The following DLX2 variants were observed in gnomAD, a reference collection of about 807,000 sequenced individuals.
DLX2 encodes the protein homeobox protein DLX-2.
Under a neutral mutation model 27.4 loss-of-function variants are expected in DLX2, and 8 were observed. The observed-to-expected ratio is 0.29, with a 90% CI of 0.17 to 0.53. DLX2 has a LOEUF of 0.53. DLX2 is among the 20% of genes least tolerant of loss of function. The pLI is 0.96. For missense variants in DLX2, 421 were observed against 450.9 expected, an observed-to-expected ratio of 0.93 and a Z score of 0.60; for synonymous variants, 210 against 200.8, an observed-to-expected ratio of 1.05 and a Z score of -0.39.
At position 172,099,887 on chromosome 2, in the gene DLX2, C is replaced by T. The variant is rs1271753624; in HGVS notation, c.*656G>A. ...GTCAAAATGAGGTCATCCGCAAAGGCACCTAAACTTTTAAAAAAATAACAA... is the reference window on the plus strand; with the variant it reads ...GTCAAAATGAGGTCATCCGCAAAGGTACCTAAACTTTTAAAAAAATAACAA... On this transcript the variant is annotated 3_prime_UTR_variant, in exon 3 of 3. Coordinates refer to ENST00000234198, the MANE Select transcript of DLX2 (RefSeq NM_004405.4). The T allele has an allele frequency of 1.3e-5, 2 of 152,518 alleles. No individual in the cohort carries two copies. The highest frequency in any genetic ancestry group is 2.9e-5 in the Non-Finnish European group (2 of 68,030). 9.4% of individuals were successfully genotyped at this position (152,518 alleles called of 1,614,324 possible).
chr2:172,102,792 C>G lies in DLX2; in HGVS notation c.-254G>C. 3.8e-5 allele frequency: 6 copies of G among 158,342 alleles called. No homozygotes were observed. The highest frequency in any genetic ancestry group is 2.1e-4 in the East Asian group (1 of 4,656). 9.8% of individuals were successfully genotyped at this position (158,342 alleles called of 1,614,324 possible). On this transcript the variant is annotated 5_prime_UTR_variant, in exon 1 of 3. Transcript: ENST00000234198. Reference sequence around the variant, plus strand: ...CTCGGCTCCTTGCCCAGCGCGAGCGCGGGCTCTGGCGGGGGGCGGGCAGTG... The same window carrying G: ...CTCGGCTCCTTGCCCAGCGCGAGCGGGGGCTCTGGCGGGGGGCGGGCAGTG...
Position 172,102,285 on chromosome 2 carries a change from G to A in DLX2, c.254C>T (p.Ala85Val). Residue 85 changes from alanine to valine, a missense_variant, in exon 1 of 3, where the codon GCG becomes GTG. This residue lies in a region of DLX2 where 141 missense variants were observed against 123.5 expected (regional missense o/e 1.14). Transcript: ENST00000234198. ...GGGGGGGSPY[A>V]HMGSYQYQAS... ...TTGGTACTGGTAGGAACCCATGTGC[G>A]CGTAGGGCGAGCCCCCGCCGCCGCC... The A allele has an allele frequency of 6.2e-7, 1 of 1,612,982 alleles. No individual in the cohort carries two copies. The highest frequency in any genetic ancestry group is 8.5e-7 in the Non-Finnish European group (1 of 1,179,648).
intron 1 of DLX2, 134 bp from the exon 2 acceptor site, chr2:172,101,780 C>A (rs1357037984): frequency 9.7e-7 from 1 of 1,026,794 alleles, no homozygotes; most frequent in Non-Finnish European, 1.4e-6. Flanking sequence ...CACGGGCAGG[C>A]GCAACTTCGC....
Position 172,100,577 on chromosome 2 carries a change from C to A in DLX2, c.953G>T (p.Gly318Val). ...CGTCCCCGCGCTCACCGGGGCGCCCCCGCCGCCGTGATGGTGGTGGTGGTG... is the reference window on the plus strand; with the variant it reads ...CGTCCCCGCGCTCACCGGGGCGCCCACGCCGCCGTGATGGTGGTGGTGGTG... ...PHHHHHHHGG[G>V]GAPVSAGTIF is the part of the protein sequence containing the mutation. Residue 318 changes from glycine to valine, a missense_variant, in exon 3 of 3, where the codon GGG becomes GTG. This residue lies in a region of DLX2 where 185 missense variants were observed against 171.1 expected (regional missense o/e 1.08). Transcript: ENST00000234198. This position sits in a 1 kb window ranked among gnomAD's most constrained non-coding sequence, Gnocchi z 4.5. 6.3e-7 allele frequency: 1 copy of A among 1,577,772 alleles called. No individual in the cohort carries two copies.
chr2:172,102,563 G>A lies in DLX2; in HGVS notation c.-25C>T. On this transcript the variant is annotated 5_prime_UTR_variant, in exon 1 of 3. Coordinates refer to ENST00000234198, the MANE Select transcript of DLX2 (RefSeq NM_004405.4). ...TCCTGGCCCGAGACGGGAAAGAGCA[G>A]AGGTGGCGGGCGTGCGGGGGAAGCC... 1 of 1,492,812 alleles carries A rather than the reference G, an allele frequency of 6.7e-7. No homozygotes were observed. 92.5% of individuals were successfully genotyped at this position (1,492,812 alleles called of 1,614,324 possible).
chr2:172,101,304 T>C, intron 2 of DLX2, 158 bp downstream of exon 2: 1 of 887,560 alleles, frequency 1.1e-6, no homozygotes, highest in Non-Finnish European at 1.7e-6. Context: ...GGTTTCCAGC[T>C]TTGGGCCTAG....
Position 172,102,498 on chromosome 2 carries a change from G to A in DLX2, c.41C>T (p.Ser14Leu). The A allele has an allele frequency of 6.5e-7, 1 of 1,548,722 alleles. No individual in the cohort carries two copies. The highest frequency in any genetic ancestry group is 8.7e-7 in the Non-Finnish European group (1 of 1,146,470). ...VFDSLVADMH[S>L]TQIAASSTYH... is the part of the protein sequence containing the mutation. Reference sequence around the variant, plus strand: ...CGTGCTGGAGGCGGCGATCTGGGTCGAGTGCATATCAGCCACTAGACTGTC... The same window carrying A: ...CGTGCTGGAGGCGGCGATCTGGGTCAAGTGCATATCAGCCACTAGACTGTC... Residue 14 changes from serine to leucine, a missense_variant, in exon 1 of 3, where the codon TCG becomes TTG. Physicochemically the swap from Ser to Leu is moderately radical, Grantham distance 145. Transcript: ENST00000234198.
Position 172,100,993 on chromosome 2 carries a change from C to T in DLX2, c.586-49G>A, listed in dbSNP as rs989875418. ...TTAGTGGAGGAACCTAGTCTTGGGGCAGTAGGGGTTCGAAGAGGAGAAAAA... is the reference window on the plus strand; with the variant it reads ...TTAGTGGAGGAACCTAGTCTTGGGGTAGTAGGGGTTCGAAGAGGAGAAAAA... On this transcript the variant is annotated intron_variant, in intron 2 of 2. Coordinates refer to ENST00000234198, the MANE Select transcript of DLX2 (RefSeq NM_004405.4). The surrounding 1 kb of genome is among the most constrained non-coding windows in gnomAD (Gnocchi z 4.5). 2 of 1,568,708 alleles carry T rather than the reference C, an allele frequency of 1.3e-6. No homozygotes were observed. Among genetic ancestry groups the T allele is most frequent in the Non-Finnish European group, 1.7e-6 (2 of 1,157,698 alleles).
rs943711501 is a variant in DLX2, at chr2:172,102,359, G to A, written c.180C>T (p.Thr60=). 4 of 1,577,072 alleles carry A rather than the reference G, an allele frequency of 2.5e-6. No individual in the cohort carries two copies. Among genetic ancestry groups the A allele is most frequent in the South Asian group, 2.3e-5 (2 of 87,610 alleles). ...TGGTGTAGTAGCTGCTGTCGGTGGCGGTGGACACCGGAAGGGTGGGCGACT... is the reference window on the plus strand; with the variant it reads ...TGGTGTAGTAGCTGCTGTCGGTGGCAGTGGACACCGGAAGGGTGGGCGACT... ...PQESPTLPVS[T]ATDSSYYTNQ... The change falls in exon 1 of 3, where the codon ACC becomes ACT. Residue 60 remains threonine (T), a synonymous_variant. Coordinates refer to ENST00000234198, the MANE Select transcript of DLX2 (RefSeq NM_004405.4).
intron 1 of DLX2, 37 bp downstream of exon 1, chr2:172,102,102 A>G: frequency 6.3e-7 from 1 of 1,591,536 alleles, no homozygotes; most frequent in Non-Finnish European, 8.6e-7. Flanking sequence ...CATTAACTAG[A>G]CCGACTCGGC....
chr2:172,102,104 C>T (rs761311097), intron 1 of DLX2, 35 bp downstream of exon 1: 10 of 1,592,440 alleles, frequency 6.3e-6, no homozygotes, highest in Admixed American at 5.2e-5. Flanking sequence ...TTAACTAGAC[C>T]GACTCGGCAC....
At position 172,102,471 on chromosome 2, in the gene DLX2, T is replaced by C; in HGVS notation, c.68A>G (p.Tyr23Cys). 6.5e-7 allele frequency: 1 copy of C among 1,549,742 alleles called. No individual in the cohort carries two copies. Among genetic ancestry groups the C allele is most frequent in the South Asian group, 1.2e-5 (1 of 83,988 alleles). Residue 23 changes from tyrosine to cysteine, a missense_variant, in exon 1 of 3, where the codon TAC (tyrosine) becomes TGC (cysteine). By Grantham distance (194) the Tyr-to-Cys change is radical (BLOSUM62 -2). Around this residue, in one of 5 missense-constraint regions of DLX2, gnomAD observed 53 missense variants for 59.5 expected, o/e 0.89. Transcript: ENST00000234198. ...GCTCGGGGGCTGCTGGTGCTGGTGG[T>C]ACGTGCTGGAGGCGGCGATCTGGGT... is the stretch of plus-strand genomic sequence containing the variant. ...HSTQIAASST[Y>C]HQHQQPPSGG...
Position 172,102,784 on chromosome 2 carries a change from C to G in DLX2, c.-246G>C, listed in dbSNP as rs1691190243. On this transcript the variant is annotated 5_prime_UTR_variant, in exon 1 of 3. Transcript: ENST00000234198. ...TGGGCCCGCTCGGCTCCTTGCCCAG[C>G]GCGAGCGCGGGCTCTGGCGGGGGGC... is the stretch of plus-strand genomic sequence containing the variant. 4.2e-6 allele frequency: 1 copy of G among 240,262 alleles called. No individual in the cohort carries two copies. The highest frequency in any genetic ancestry group is 1.0e-4 in the East Asian group (1 of 9,928). 14.9% of individuals were successfully genotyped at this position (240,262 alleles called of 1,614,324 possible).
Position 172,100,709 on chromosome 2 carries a change from G to T in DLX2, c.821C>A (p.Ser274Ter). The T allele has an allele frequency of 6.5e-7, 1 of 1,533,968 alleles. No individual in the cohort carries two copies. The highest frequency in any genetic ancestry group is 8.7e-7 in the Non-Finnish European group (1 of 1,151,042). The change falls in exon 3 of 3, where the codon TCG becomes TAG. Residue 274 changes from serine (S) to a stop codon, truncating the protein, a stop_gained. Transcript: ENST00000234198. LOFTEE classifies it high-confidence loss of function. This position sits in a 1 kb window ranked among gnomAD's most constrained non-coding sequence, Gnocchi z 4.5. ...SSGSSPSSAA[S>*]AFLGNYPWYH... ...CCAGGGGTAGTTGCCCAGAAAAGCCGAGGCCGCGCTGCTCGGGCTGGAGCC... is the reference window on the plus strand; with the variant it reads ...CCAGGGGTAGTTGCCCAGAAAAGCCTAGGCCGCGCTGCTCGGGCTGGAGCC...
intron 2 of DLX2, 111 bp downstream of exon 2, chr2:172,101,351 A>C: frequency 8.0e-7 from 1 of 1,255,316 alleles, no homozygotes; most frequent in South Asian, 1.5e-5. Flanking sequence ...CAGGCCTGGA[A>C]ATCCTTAAAA....
chr2:172,100,777 G>A lies in DLX2; in HGVS notation c.753C>T (p.Gly251=), dbSNP rs761120530. ...WDFGVPQRMA[G]GGGPGSGGSG... is the part of the protein sequence containing the mutation. The stretch of plus-strand genomic sequence containing the variant: ...TGCCGCCACTGCCCGGACCACCGCC[G>A]CCCGCCATCCGCTGCGGCACACCAA... The change falls in exon 3 of 3, where the codon GGC becomes GGT. Residue 251 remains glycine (G), a synonymous_variant. Coordinates refer to ENST00000234198, the MANE Select transcript of DLX2 (RefSeq NM_004405.4). This position sits in a 1 kb window ranked among gnomAD's most constrained non-coding sequence, Gnocchi z 4.5. 1 of 1,582,650 alleles carries A rather than the reference G, an allele frequency of 6.3e-7. No individual in the cohort carries two copies. The highest frequency in any genetic ancestry group is 8.6e-7 in the Non-Finnish European group (1 of 1,164,442).
Position 172,100,241 on chromosome 2 carries a change from G to C in DLX2, c.*302C>G. 1 of 331,852 alleles carries C rather than the reference G, an allele frequency of 3.0e-6. No individual in the cohort carries two copies. Among genetic ancestry groups the C allele is most frequent in the Non-Finnish European group, 5.4e-6 (1 of 184,002 alleles). 20.6% of individuals were successfully genotyped at this position (331,852 alleles called of 1,614,324 possible). On this transcript the variant is annotated 3_prime_UTR_variant, in exon 3 of 3. Transcript: ENST00000234198. This position sits in a 1 kb window ranked among gnomAD's most constrained non-coding sequence, Gnocchi z 4.5. ...CCGGGGCGAGGAAGGCGCCAGACAG[G>C]CTCACCCGGAGGGGAGGGAAGGCAA...
chr2:172,100,235 A>C lies in DLX2; in HGVS notation c.*308T>G. On this transcript the variant is annotated 3_prime_UTR_variant, in exon 3 of 3. Coordinates refer to ENST00000234198, the MANE Select transcript of DLX2 (RefSeq NM_004405.4). The surrounding 1 kb of genome is among the most constrained non-coding windows in gnomAD (Gnocchi z 4.5). ...CTCAGCCCGGGGCGAGGAAGGCGCC[A>C]GACAGGCTCACCCGGAGGGGAGGGA... The C allele has an allele frequency of 6.4e-6, 2 of 314,686 alleles. No homozygotes were observed. Among genetic ancestry groups the C allele is most frequent in the Non-Finnish European group, 5.8e-6 (1 of 173,148 alleles). 19.5% of individuals were successfully genotyped at this position (314,686 alleles called of 1,614,324 possible).
Position 172,100,435 on chromosome 2 carries a change from A to T in DLX2, c.*108T>A. ...CGGGCCACTGCAGGTCGCAGCCTGC[A>T]GGAGAGGTGGGTGGCGGCAGCGGGC... On this transcript the variant is annotated 3_prime_UTR_variant, in exon 3 of 3. Coordinates refer to ENST00000234198, the MANE Select transcript of DLX2 (RefSeq NM_004405.4). The surrounding 1 kb of genome is among the most constrained non-coding windows in gnomAD (Gnocchi z 4.5). 7.9e-7 allele frequency: 1 copy of T among 1,269,784 alleles called. No homozygotes were observed. The highest frequency in any genetic ancestry group is 1.1e-6 in the Non-Finnish European group (1 of 943,788). The allele number at this position is 1,269,784 out of a possible 1,614,324, so 78.7% of individuals were successfully genotyped here.
Sources: allele counts gnomAD v4.1 joint callset, GRCh38; gene constraint gnomAD v4.1.1; regional missense constraint gnomAD v4.1.1; non-coding constraint Gnocchi (gnomAD v3.1); transcripts MANE v1.5; gene names NCBI Gene and HGNC (gene_info 2026-07-23, HGNC 2026-07-21).